Variants in MIPOL1 observed in about 807,000 individuals in gnomAD.
MIPOL1 encodes the protein mirror-image polydactyly 1.
Under a neutral mutation model 60.9 loss-of-function variants are expected in MIPOL1, and 57 were observed. The observed-to-expected ratio is 0.94, with a 90% CI of 0.76 to 1.17. The LOEUF is 1.17. Among genes scored for constraint, MIPOL1 ranks in the 50% most tolerant of loss-of-function variants. MIPOL1 has a pLI of 0.00. For missense variants in MIPOL1, 551 were observed against 511.6 expected, an observed-to-expected ratio of 1.08 and a Z score of -0.74; for synonymous variants, 179 against 168.8, an observed-to-expected ratio of 1.06 and a Z score of -0.47.
At chr14:37,234,748 A>G (rs1320434870) in intron 1 of MIPOL1, among the ~76,000 whole-genome samples, 1 of 151,288 alleles carries the variant, frequency 6.6e-6, no homozygotes, top group Non-Finnish European at 1.5e-5. Context: ...TGCAGTACTG[A>G]TAGAGGTCTA....
intron 9 of MIPOL1, among the ~76,000 whole-genome samples, chr14:37,322,807 C>T (rs2088736248): frequency 6.6e-6 from 1 of 152,008 alleles, no homozygotes; most frequent in Non-Finnish European, 1.5e-5. Context: ...ATCCTTTGCC[C>T]ACTTTTTGAT....
At chr14:37,451,300 C>A (rs887386969) in intron 11 of MIPOL1, among the ~76,000 whole-genome samples, 3 of 152,112 alleles carry the variant, frequency 2.0e-5, no homozygotes, top group Non-Finnish European at 4.4e-5. Context: ...GCTCAACTAA[C>A]ATTTGTGGAA....
chr14:37,531,847 A>AGGG (rs1255370810), intron 12 of MIPOL1, among the ~76,000 whole-genome samples: 1 of 151,990 alleles, frequency 6.6e-6, no homozygotes, highest in Non-Finnish European at 1.5e-5. Context: ...TGGTACATTG[A>AGGG]GGGGAGAGAA....
intron 9 of MIPOL1, among the ~76,000 whole-genome samples, chr14:37,336,663 C>T (rs2090145085): frequency 6.6e-6 from 1 of 151,848 alleles, no homozygotes; most frequent in Non-Finnish European, 1.5e-5. Flanking sequence ...GTATCCCTGC[C>T]ATTTCTGAGT....
At chr14:37,200,259 T>C (rs1283538799) in intron 1 of MIPOL1, among the ~76,000 whole-genome samples, 1 of 152,240 alleles carries the variant, frequency 6.6e-6, no homozygotes, top group African/African-American at 2.4e-5. Context: ...ACACATTCTT[T>C]TCTGTTTTTT....
At chr14:37,396,484 A>G (rs1263050582) in intron 10 of MIPOL1, among the ~76,000 whole-genome samples, 3 of 152,022 alleles carry the variant, frequency 2.0e-5, no homozygotes, top group Non-Finnish European at 4.4e-5. Flanking sequence ...AATTTCCCAG[A>G]TGTTCCTTGT....
intron 6 of MIPOL1, among the ~76,000 whole-genome samples, chr14:37,284,385 C>T (rs1461527739): frequency 6.6e-6 from 1 of 151,990 alleles, no homozygotes; most frequent in East Asian, 1.9e-4. Context: ...ACACTGTTGC[C>T]CAGGCTGGAG....
chr14:37,254,649 G>A (rs1252564188), intron 3 of MIPOL1, among the ~76,000 whole-genome samples: 3 of 151,660 alleles, frequency 2.0e-5, no homozygotes, highest in Non-Finnish European at 3.0e-5. Context: ...GGGAAAATTC[G>A]TGAGCTAATA....
intron 9 of MIPOL1, among the ~76,000 whole-genome samples, chr14:37,360,530 C>A (rs2092163585): frequency 6.6e-6 from 1 of 152,148 alleles, no homozygotes; most frequent in South Asian, 2.1e-4. Flanking sequence ...TCAAGTTCTT[C>A]CTGGTTTAGT....
chr14:37,499,300 A>G (rs913096012), intron 11 of MIPOL1, among the ~76,000 whole-genome samples: 10 of 152,148 alleles, frequency 6.6e-5, no homozygotes, highest in Non-Finnish European at 1.3e-4. Flanking sequence ...TGACTTAATG[A>G]GTAGATGTAT....
chr14:37,251,683 A>T (rs1974135864), intron 3 of MIPOL1, among the ~76,000 whole-genome samples: 1 of 152,080 alleles, frequency 6.6e-6, no homozygotes, highest in African/African-American at 2.4e-5. Context: ...GTAAGAAAAA[A>T]GACATAGAGA....
At chr14:37,463,513 A>G (rs754674531) in intron 11 of MIPOL1, among the ~76,000 whole-genome samples, 8 of 152,234 alleles carry the variant, frequency 5.3e-5, no homozygotes, top group Non-Finnish European at 1.2e-4. Flanking sequence ...TGGAGAAAGG[A>G]CACACTATTC....
At chr14:37,271,258 G>T (rs1162283948) in intron 6 of MIPOL1, among the ~76,000 whole-genome samples, 1 of 152,014 alleles carries the variant, frequency 6.6e-6, no homozygotes, top group Non-Finnish European at 1.5e-5. Context: ...TAAGGAAAGA[G>T]AAATTTCATG....
Position 37,235,395 on chromosome 14 carries a change from T to C in MIPOL1, c.-198-11708T>C, listed in dbSNP as rs1000092065. Among the ~76,000 whole-genome samples the C allele has an allele frequency of 3.3e-5, 5 of 152,288 alleles. 1 individual carries two copies. Among genetic ancestry groups the C allele is most frequent in the African/African-American group, 1.2e-4 (5 of 41,564 alleles). On this transcript the variant is annotated intron_variant, in intron 1 of 12. Transcript: ENST00000684589. ...AAATATTTAATCCCTCTGTGTTTGC[T>C]GCAGTGTTAGGGAATCCTTGACATA...
At chr14:37,248,260 C>G (rs1973498897) in intron 3 of MIPOL1, among the ~76,000 whole-genome samples, 1 of 151,762 alleles carries the variant, frequency 6.6e-6, no homozygotes, top group Admixed American at 6.6e-5. Flanking sequence ...TACAGAGCCA[C>G]ATTCAGAGAA....
intron 9 of MIPOL1, among the ~76,000 whole-genome samples, chr14:37,320,426 T>A (rs2088447446): frequency 6.6e-6 from 1 of 152,126 alleles, no homozygotes. Context: ...GCTTTTTATA[T>A]GTTTTTTGAC....
At position 37,266,804 on chromosome 14, in the gene MIPOL1, T is replaced by G. The variant is rs2082908644; in HGVS notation, c.20-134T>G. ...CAACTTATCCCAATGCTTATCTGAT[T>G]ACAGTAGGAGTAAGACTAGAAACTA... On this transcript the variant is annotated intron_variant, in intron 3 of 12. Transcript: ENST00000684589. 13 of 665,590 alleles carry G rather than the reference T, an allele frequency of 2.0e-5. No individual in the cohort carries two copies. In the South Asian group the frequency reaches 2.5e-4, roughly 13 times the overall value. The allele number at this position is 665,590 out of a possible 1,614,324, so 41.2% of individuals were successfully genotyped here. A position where few individuals can be genotyped will look rare whatever the true frequency, so the allele number is the denominator to read the frequency against.
intron 11 of MIPOL1, among the ~76,000 whole-genome samples, chr14:37,469,320 G>A (rs982347176): frequency 6.6e-6 from 1 of 152,162 alleles, no homozygotes; most frequent in Non-Finnish European, 1.5e-5. Flanking sequence ...GAGGAAGAGA[G>A]AGAGAGAGCA....
intron 1 of MIPOL1, among the ~76,000 whole-genome samples, chr14:37,214,745 G>T (rs963660691): frequency 3.3e-5 from 5 of 152,166 alleles, no homozygotes; most frequent in African/African-American, 1.2e-4. Context: ...GCCTGGACAG[G>T]GCTACTAGAG....
Sources: gnomAD v4.1 joint callset for allele counts (sites outside exome capture counted in the v4.1 genomes callset) on GRCh38, gnomAD v4.1.1 for gene constraint, MANE v1.5 for transcripts, NCBI Gene and HGNC (gene_info 2026-07-23, HGNC 2026-07-21) for gene names.